Variants in SOCS3 observed in about 807,000 individuals in gnomAD.
SOCS3 encodes suppressor of cytokine signaling 3.
Under a neutral mutation model 11.7 loss-of-function variants are expected in SOCS3, and 5 were observed. That is an observed-to-expected ratio of 0.43 (90% confidence interval 0.22 to 0.90). SOCS3 has a LOEUF of 0.90. Ranked by LOEUF, SOCS3 falls within the 40% of genes least tolerant of loss-of-function variation. The pLI is 0.27. For synonymous variants in SOCS3, 143 were observed against 136.3 expected (o/e 1.05, Z -0.34); for missense variants, 203 against 302.0 (o/e 0.67, Z 2.43).
chr17:78,358,464 G>C lies in SOCS3; in HGVS notation c.632C>G (p.Pro211Arg). The C allele has an allele frequency of 6.2e-7, 1 of 1,613,804 alleles. No individual in the cohort carries two copies. Among genetic ancestry groups the C allele is most frequent in the South Asian group, 1.1e-5 (1 of 91,078 alleles). The part of the protein sequence containing the change: ...LDSYEKVTQL[P>R]GPIREFLDQY... The stretch of plus-strand genomic sequence containing the variant: ...GTCCAGGAACTCCCGAATGGGCCCC[G>C]GCAGCTGGGTGACTTTCTCATAGGA... The change falls in exon 2 of 2, where the codon CCG becomes CGG. Residue 211 changes from proline to arginine, a missense_variant. Around this residue, in one of 3 missense-constraint regions of SOCS3, gnomAD observed 141 missense variants for 200.5 expected, o/e 0.70. Transcript: ENST00000330871. This position sits in a 1 kb window ranked among gnomAD's most constrained non-coding sequence, Gnocchi z 4.7.
chr17:78,359,255 C>T (rs1488345217), intron 1 of SOCS3, 72 bp from the exon 2 acceptor site: 6 of 682,104 alleles, frequency 8.8e-6, no homozygotes, highest in South Asian at 8.4e-5. Flanking sequence ...CCCGGCTCCC[C>T]TGCCTTCGCC....
Position 78,358,833 on chromosome 17 carries a change from G to C in SOCS3, c.263C>G (p.Ser88Cys). 1 of 1,613,188 alleles carries C rather than the reference G, an allele frequency of 6.2e-7. No homozygotes were observed. Among genetic ancestry groups the C allele is most frequent in the Non-Finnish European group, 8.5e-7 (1 of 1,179,894 alleles). ...CTGGATGCGCAGGTTCTTGGTCCCA[G>C]ACTGGGTCTTGACGCTGAGCGTGAA... Reference protein sequence around the residue: ...HFFTLSVKTQSGTKNLRIQCE... With the variant: ...HFFTLSVKTQCGTKNLRIQCE... Residue 88 changes from serine to cysteine, a missense_variant, in exon 2 of 2, where the codon TCT (serine) becomes TGT (cysteine). By Grantham distance (112) the Ser-to-Cys change is moderately radical. This residue lies in a region of SOCS3 where 141 missense variants were observed against 200.5 expected (regional missense o/e 0.70). Transcript: ENST00000330871. This position sits in a 1 kb window ranked among gnomAD's most constrained non-coding sequence, Gnocchi z 4.7.
rs1411724727 is a variant in SOCS3, at chr17:78,358,387, C to T, written c.*31G>A. 1 of 1,609,892 alleles carries T rather than the reference C, an allele frequency of 6.2e-7. No homozygotes were observed. Among genetic ancestry groups the T allele is most frequent in the Non-Finnish European group, 8.5e-7 (1 of 1,177,228 alleles). On this transcript the variant is annotated 3_prime_UTR_variant, in exon 2 of 2. Coordinates refer to ENST00000330871, the MANE Select transcript of SOCS3 (RefSeq NM_003955.5). This position sits in a 1 kb window ranked among gnomAD's most constrained non-coding sequence, Gnocchi z 4.7. ...GAGGAGAGGGGCCTGCGTCCCCTCTCCCGACCCATGCCCTTTGCGCCCTTT... is the reference window on the plus strand; with the variant it reads ...GAGGAGAGGGGCCTGCGTCCCCTCTTCCGACCCATGCCCTTTGCGCCCTTT...
chr17:78,359,384 C>T (rs949265615), intron 1 of SOCS3, among the ~76,000 whole-genome samples: 4 of 152,174 alleles, frequency 2.6e-5, no homozygotes, highest in Non-Finnish European at 5.9e-5. Flanking sequence ...CGGGCAGCCC[C>T]TTCCCAGGCG....
At position 78,359,171 on chromosome 17, in the gene SOCS3, G is replaced by A; in HGVS notation, c.-76C>T. ...CGGCCTCCGCACAGCGGCCGCTACC[G>A]CATCCCGGGGGGCTGCGGAGAGGAA... is the stretch of plus-strand genomic sequence containing the variant. On this transcript the variant is annotated 5_prime_UTR_variant, in exon 2 of 2. Transcript: ENST00000330871. 6 of 1,431,284 alleles carry A rather than the reference G, an allele frequency of 4.2e-6. No homozygotes were observed. Among genetic ancestry groups the A allele is most frequent in the Admixed American group, 2.3e-5 (1 of 43,302 alleles). 88.7% of individuals were successfully genotyped at this position (1,431,284 alleles called of 1,614,324 possible). A position where few individuals can be genotyped will look rare whatever the true frequency, so the allele number is the denominator to read the frequency against.
rs954857207 is a variant in SOCS3, at chr17:78,358,257, A to T, written c.*161T>A. 13 of 668,018 alleles carry T rather than the reference A, an allele frequency of 1.9e-5. No homozygotes were observed. In the African/African-American group the frequency reaches 2.4e-4, roughly 12 times the overall value. The allele number at this position is 668,018 out of a possible 1,614,324, so 41.4% of individuals were successfully genotyped here. ...AACACATTCCAGGTCCGCCTGCCAC[A>T]TTCTGCAGGGAGAGGGCAGAGGGAG... On this transcript the variant is annotated 3_prime_UTR_variant, in exon 2 of 2. Coordinates refer to ENST00000330871, the MANE Select transcript of SOCS3 (RefSeq NM_003955.5). This position sits in a 1 kb window ranked among gnomAD's most constrained non-coding sequence, Gnocchi z 4.7.
At chr17:78,360,291 CGAGAGGCGGCCGAG>C (rs1233537126), upstream of SOCS3, among the ~76,000 whole-genome samples, 51 of 150,914 alleles carry the variant, frequency 3.4e-4, no homozygotes, top group African/African-American at 1.2e-3. This position sits in a 1 kb window ranked among gnomAD's most constrained non-coding sequence, Gnocchi z 5.6. Context: ...CAAAGCGCGA[CGAGAGGCGGCCGAG>C]GCGGCCGGTG....
upstream of SOCS3, chr17:78,360,326 C>A (rs1266828316): frequency 1.3e-5 from 2 of 150,872 alleles, no homozygotes; most frequent in African/African-American, 4.8e-5. The surrounding 1 kb of genome is among the most constrained non-coding windows in gnomAD (Gnocchi z 5.6). Context: ...GGCGCGGCGC[C>A]AGCCCCGGCG....
Position 78,356,937 on chromosome 17 carries a change from G to A in SOCS3, c.*1481C>T, listed in dbSNP as rs946056066. The A allele has an allele frequency of 6.6e-6, 1 of 152,438 alleles. No homozygotes were observed. The highest frequency in any genetic ancestry group is 6.6e-5 in the Admixed American group (1 of 15,252). The allele number at this position is 152,438 out of a possible 1,614,324, so 9.4% of individuals were successfully genotyped here. The stretch of plus-strand genomic sequence containing the variant: ...AAGGGCCTGAGTAGGGGGGAGGAGA[G>A]AGGACTGGAGGTGGAATCTTTATAA... On this transcript the variant is annotated 3_prime_UTR_variant, in exon 2 of 2. Coordinates refer to ENST00000330871, the MANE Select transcript of SOCS3 (RefSeq NM_003955.5). This position sits in a 1 kb window ranked among gnomAD's most constrained non-coding sequence, Gnocchi z 6.1.
chr17:78,358,214 G>A lies in SOCS3; in HGVS notation c.*204C>T. Reference sequence around the variant, plus strand: ...TCCGGAGAAGCTGGAGACTCAGGTGGTACTCCCCCTTCCCTCCAACACATT... The same window carrying A: ...TCCGGAGAAGCTGGAGACTCAGGTGATACTCCCCCTTCCCTCCAACACATT... On this transcript the variant is annotated 3_prime_UTR_variant, in exon 2 of 2. Transcript: ENST00000330871. This position sits in a 1 kb window ranked among gnomAD's most constrained non-coding sequence, Gnocchi z 4.7. 1.7e-6 allele frequency: 1 copy of A among 584,498 alleles called. No homozygotes were observed. The highest frequency in any genetic ancestry group is 2.1e-5 in the South Asian group (1 of 47,188). The allele number at this position is 584,498 out of a possible 1,614,324, so 36.2% of individuals were successfully genotyped here. A position where few individuals can be genotyped will look rare whatever the true frequency, so the allele number is the denominator to read the frequency against.
At chr17:78,360,332 C>G (rs947848895), upstream of SOCS3, 7 of 150,682 alleles carry the variant, frequency 4.6e-5, no homozygotes, top group African/African-American at 9.7e-5. This position sits in a 1 kb window ranked among gnomAD's most constrained non-coding sequence, Gnocchi z 5.6. Flanking sequence ...GCGCCAGCCC[C>G]GGCGGCGCGT....
At chr17:78,359,376 G>A (rs2081593691) in intron 1 of SOCS3, among the ~76,000 whole-genome samples, 193 bp from the exon 2 acceptor site, 1 of 152,170 alleles carries the variant, frequency 6.6e-6, no homozygotes, top group Admixed American at 6.5e-5. Context: ...GGTGGCCCCG[G>A]GCAGCCCCTT....
rs1304555866 is a variant in SOCS3, at chr17:78,358,423, G to A, written c.673C>T (p.Leu225Phe). 1 of 1,613,568 alleles carries A rather than the reference G, an allele frequency of 6.2e-7. No individual in the cohort carries two copies. The highest frequency in any genetic ancestry group is 8.5e-7 in the Non-Finnish European group (1 of 1,179,974). ...REFLDQYDAP[L>F] is the part of the protein sequence containing the mutation. ...CCCTTTGCGCCCTTTACCCCTTAAAGCGGGGCATCGTACTGGTCCAGGAAC... is the reference window on the plus strand; with the variant it reads ...CCCTTTGCGCCCTTTACCCCTTAAAACGGGGCATCGTACTGGTCCAGGAAC... Residue 225 changes from leucine (L) to phenylalanine (F), a missense_variant, in exon 2 of 2, where the codon CTT (leucine) becomes TTT (phenylalanine). Transcript: ENST00000330871. The surrounding 1 kb of genome is among the most constrained non-coding windows in gnomAD (Gnocchi z 4.7).
chr17:78,358,270 A>T lies in SOCS3; in HGVS notation c.*148T>A, dbSNP rs539354844. ...TCCGCCTGCCACATTCTGCAGGGAG[A>T]GGGCAGAGGGAGGGGCCTGTCCGCC... On this transcript the variant is annotated 3_prime_UTR_variant, in exon 2 of 2. Transcript: ENST00000330871. This position sits in a 1 kb window ranked among gnomAD's most constrained non-coding sequence, Gnocchi z 4.7. 2.9e-6 allele frequency: 2 copies of T among 699,552 alleles called. No homozygotes were observed. Among genetic ancestry groups the T allele is most frequent in the East Asian group, 2.7e-5 (1 of 36,712 alleles). The allele number at this position is 699,552 out of a possible 1,614,324, so 43.3% of individuals were successfully genotyped here.
Position 78,358,231 on chromosome 17 carries a change from C to T in SOCS3, c.*187G>A. On this transcript the variant is annotated 3_prime_UTR_variant, in exon 2 of 2. Transcript: ENST00000330871. The surrounding 1 kb of genome is among the most constrained non-coding windows in gnomAD (Gnocchi z 4.7). ...CTCAGGTGGTACTCCCCCTTCCCTC[C>T]AACACATTCCAGGTCCGCCTGCCAC... 1.6e-6 allele frequency: 1 copy of T among 614,196 alleles called. No individual in the cohort carries two copies. Among genetic ancestry groups the T allele is most frequent in the South Asian group, 2.0e-5 (1 of 50,350 alleles). The allele number at this position is 614,196 out of a possible 1,614,324, so 38.0% of individuals were successfully genotyped here.
chr17:78,358,372 G>GA lies in SOCS3; in HGVS notation c.*45_*46insT. 6.3e-7 allele frequency: 1 copy of GA among 1,588,728 alleles called. No homozygotes were observed. The highest frequency in any genetic ancestry group is 8.6e-7 in the Non-Finnish European group (1 of 1,158,480). Reference sequence around the variant, plus strand: ...GTGCCATGTGCCACGGAGGAGAGGGGCCTGCGTCCCCTCTCCCGACCCATG... The same window carrying GA: ...GTGCCATGTGCCACGGAGGAGAGGGGACCTGCGTCCCCTCTCCCGACCCATG... On this transcript the variant is annotated 3_prime_UTR_variant, in exon 2 of 2. Transcript: ENST00000330871. This position sits in a 1 kb window ranked among gnomAD's most constrained non-coding sequence, Gnocchi z 4.7.
rs2081582440 is a variant in SOCS3 at position 78,358,237 on chromosome 17, A to C, written c.*181T>G. ...TGGTACTCCCCCTTCCCTCCAACACATTCCAGGTCCGCCTGCCACATTCTG... is the reference window on the plus strand; with the variant it reads ...TGGTACTCCCCCTTCCCTCCAACACCTTCCAGGTCCGCCTGCCACATTCTG... On this transcript the variant is annotated 3_prime_UTR_variant, in exon 2 of 2. Coordinates refer to ENST00000330871, the MANE Select transcript of SOCS3 (RefSeq NM_003955.5). This position sits in a 1 kb window ranked among gnomAD's most constrained non-coding sequence, Gnocchi z 4.7. 1 of 622,072 alleles carries C rather than the reference A, an allele frequency of 1.6e-6. No homozygotes were observed. The highest frequency in any genetic ancestry group is 2.8e-6 in the Non-Finnish European group (1 of 357,508). 38.5% of individuals were successfully genotyped at this position (622,072 alleles called of 1,614,324 possible).
chr17:78,358,265 G>T lies in SOCS3; in HGVS notation c.*153C>A. 1 of 691,004 alleles carries T rather than the reference G, an allele frequency of 1.4e-6. No homozygotes were observed. The highest frequency in any genetic ancestry group is 2.4e-6 in the Non-Finnish European group (1 of 411,330). 42.8% of individuals were successfully genotyped at this position (691,004 alleles called of 1,614,324 possible). On this transcript the variant is annotated 3_prime_UTR_variant, in exon 2 of 2. Transcript: ENST00000330871. This position sits in a 1 kb window ranked among gnomAD's most constrained non-coding sequence, Gnocchi z 4.7. Reference sequence around the variant, plus strand: ...CCAGGTCCGCCTGCCACATTCTGCAGGGAGAGGGCAGAGGGAGGGGCCTGT... The same window carrying T: ...CCAGGTCCGCCTGCCACATTCTGCATGGAGAGGGCAGAGGGAGGGGCCTGT...
Position 78,358,867 on chromosome 17 carries a change from G to A in SOCS3, c.229C>T (p.Arg77Cys). Residue 77 changes from arginine to cysteine, a missense_variant, in exon 2 of 2, where the codon CGC (arginine) becomes TGC (cysteine). Transcript: ENST00000330871. This position sits in a 1 kb window ranked among gnomAD's most constrained non-coding sequence, Gnocchi z 4.7. ...TFLIRDSSDQ[R>C]HFFTLSVKTQ... ...TTGACGCTGAGCGTGAAGAAGTGGC[G>A]CTGGTCCGAGCTGTCGCGGATCAGA... 1 of 1,612,106 alleles carries A rather than the reference G, an allele frequency of 6.2e-7. No individual in the cohort carries two copies. Among genetic ancestry groups the A allele is most frequent in the South Asian group, 1.1e-5 (1 of 90,868 alleles).
Sources: allele counts gnomAD v4.1 joint callset (sites outside exome capture counted in the v4.1 genomes callset), GRCh38; gene constraint gnomAD v4.1.1; regional missense constraint gnomAD v4.1.1; non-coding constraint Gnocchi (gnomAD v3.1); transcripts MANE v1.5; gene names NCBI Gene and HGNC (gene_info 2026-07-23, HGNC 2026-07-21).